WDR25: variants seen among roughly 807,000 people sequenced by gnomAD.
WDR25 encodes WD repeat domain 25, also known as WD repeat-containing protein 25.
Under a neutral mutation model 47.7 loss-of-function variants are expected in WDR25, and 35 were observed. That is an observed-to-expected ratio of 0.73 (90% CI 0.56 to 0.97). WDR25 has a LOEUF of 0.97. WDR25 is among the 50% of genes least tolerant of loss of function. The probability of loss-of-function intolerance (pLI) is 0.00; values close to 1 mark genes in which losing one functional copy is unlikely to be tolerated. For synonymous variants in WDR25, 248 were observed against 278.9 expected (o/e 0.89, Z 1.10); for missense variants, 634 against 704.7 (o/e 0.90, Z 1.14).
intron 4 of WDR25, among the ~76,000 whole-genome samples, chr14:100,495,803 C>T (rs1424374586): frequency 6.6e-6 from 1 of 152,196 alleles, no homozygotes; most frequent in African/African-American, 2.4e-5. Flanking sequence ...AGGAAGTCTT[C>T]TGCTTCTTTT....
rs1416984953 is a variant in WDR25, at chr14:100,498,446, C to CT, written c.1101+14330dup. Among the ~76,000 whole-genome samples the CT allele has an allele frequency of 2.0e-5, 3 of 152,012 alleles. No homozygotes were observed. Among genetic ancestry groups the CT allele is most frequent in the East Asian group, 1.9e-4 (1 of 5,190 alleles). ...TTACAGTCTTTGTCTTGAATTTTTT[C>CT]TTTTTTTTCAAAAAGGTCGGTTTTC... On this transcript the variant is annotated intron_variant, in intron 4 of 6. Coordinates refer to ENST00000402312, the MANE Select transcript of WDR25 (RefSeq NM_001161476.3). The surrounding 1 kb of genome is among the most constrained non-coding windows in gnomAD (Gnocchi z 4.2).
At chr14:100,398,859 C>G (rs1003536469) in intron 2 of WDR25, among the ~76,000 whole-genome samples, 2 of 151,012 alleles carry the variant, frequency 1.3e-5, no homozygotes, top group Non-Finnish European at 2.9e-5. Flanking sequence ...CCTGCACATC[C>G]TGGCTGATGT....
At position 100,529,885 on chromosome 14, in the gene WDR25, C is replaced by G. The variant is rs373806509; in HGVS notation, c.1479C>G (p.Ala493=). 3 of 1,613,154 alleles carry G rather than the reference C, an allele frequency of 1.9e-6. No homozygotes were observed. The African/African-American group carries it at 4.0e-5, about 22-fold the overall frequency. Residue 493 remains alanine, a synonymous_variant, in exon 7 of 7, where the codon GCC becomes GCG. Coordinates refer to ENST00000402312, the MANE Select transcript of WDR25 (RefSeq NM_001161476.3). This position sits in a 1 kb window ranked among gnomAD's most constrained non-coding sequence, Gnocchi z 5.1. ...GTGACTTGCTGGTGACGGGCAGCGC[C>G]GATGGCCGGGTCCTGATGTACAGCT... is the stretch of plus-strand genomic sequence containing the variant. The part of the protein sequence containing the change: ...PGGDLLVTGS[A]DGRVLMYSFR...
At chr14:100,444,255 C>T (rs1031527635) in intron 2 of WDR25, among the ~76,000 whole-genome samples, 1 of 152,216 alleles carries the variant, frequency 6.6e-6, no homozygotes, top group South Asian at 2.1e-4. Flanking sequence ...GCTGAAGCCT[C>T]ACTGGTGCTG....
At chr14:100,456,249 C>T (rs148573290) in intron 2 of WDR25, among the ~76,000 whole-genome samples, 72 of 152,234 alleles carry the variant, frequency 4.7e-4, no homozygotes, top group Middle Eastern at 3.4e-3. Flanking sequence ...CAGGCTGAGA[C>T]GGGAGGATTG....
chr14:100,409,892 G>C (rs1489851556), intron 2 of WDR25, among the ~76,000 whole-genome samples: 2 of 152,188 alleles, frequency 1.3e-5, no homozygotes, highest in African/African-American at 4.8e-5. Flanking sequence ...TTCCTGCAGA[G>C]CTGCTCCAGA....
In WDR25 at chr14:100,506,222, G is replaced by A. The variant is rs566515675; in HGVS notation, c.1102-19648G>A. Among the ~76,000 whole-genome samples the A allele has an allele frequency of 3.7e-4, 56 of 152,060 alleles. No individual in the cohort carries two copies. Among genetic ancestry groups the A allele is most frequent in the Non-Finnish European group, 6.0e-4 (41 of 68,000 alleles). On this transcript the variant is annotated intron_variant, in intron 4 of 6. Transcript: ENST00000402312. The surrounding 1 kb of genome is among the most constrained non-coding windows in gnomAD (Gnocchi z 4.8). ...AGGAAAATGGTCTCCAACTTCATCCGTGTTGCTGCAAAGGACATGATTTCA... is the reference window on the plus strand; with the variant it reads ...AGGAAAATGGTCTCCAACTTCATCCATGTTGCTGCAAAGGACATGATTTCA...
Position 100,381,585 on chromosome 14 carries a change from A to C in WDR25, c.661A>C (p.Ile221Leu). The C allele has an allele frequency of 6.2e-7, 1 of 1,609,568 alleles. No individual in the cohort carries two copies. The highest frequency in any genetic ancestry group is 8.5e-7 in the Non-Finnish European group (1 of 1,176,928). Residue 221 changes from isoleucine to leucine, a missense_variant, in exon 2 of 7, where the codon ATT becomes CTT. Coordinates refer to ENST00000402312, the MANE Select transcript of WDR25 (RefSeq NM_001161476.3). ...LYVGPGVSEF[I>L]QPYLNSHYKE... Reference sequence around the variant, plus strand: ...CGTGGGCCCGGGAGTGTCTGAGTTTATTCAGCCATATTTGAATAGCCATTA... The same window carrying C: ...CGTGGGCCCGGGAGTGTCTGAGTTTCTTCAGCCATATTTGAATAGCCATTA...
chr14:100,406,154 G>A (rs1458569136), intron 2 of WDR25, among the ~76,000 whole-genome samples: 1 of 152,206 alleles, frequency 6.6e-6, no homozygotes, highest in Non-Finnish European at 1.5e-5. Context: ...GGATGGAGAA[G>A]GGAGGGTTAA....
intron 4 of WDR25, among the ~76,000 whole-genome samples, chr14:100,486,059 A>C (rs1473968052): frequency 2.6e-5 from 4 of 151,440 alleles, no homozygotes; most frequent in South Asian, 2.1e-4. Flanking sequence ...AAAAAAAAAA[A>C]CCGCCAAAAC....
At position 100,468,044 on chromosome 14, in the gene WDR25, G is replaced by A. The variant is rs745538384; in HGVS notation, c.846G>A (p.Gly282=). The change falls in exon 3 of 7, where the codon GGG becomes GGA. Residue 282 remains glycine, a synonymous_variant. Transcript: ENST00000402312. This position sits in a 1 kb window ranked among gnomAD's most constrained non-coding sequence, Gnocchi z 4.5. ...AGGTATGGAACGCCGTGGACTCCGG[G>A]CACTGCCTGCAGACCTACTCCCTGC... The part of the protein sequence containing the change: ...TFKVWNAVDS[G]HCLQTYSLHT... The A allele has an allele frequency of 1.2e-5, 19 of 1,613,132 alleles. No homozygotes were observed. The highest frequency in any genetic ancestry group is 1.6e-5 in the Non-Finnish European group (19 of 1,180,012).
At chr14:100,387,834 C>T (rs1476734882) in intron 2 of WDR25, among the ~76,000 whole-genome samples, 2 of 152,214 alleles carry the variant, frequency 1.3e-5, no homozygotes, top group Non-Finnish European at 2.9e-5. Context: ...AAGCTCTATC[C>T]CAGCTTCCAA....
Position 100,425,742 on chromosome 14 carries a change from A to G in WDR25, c.823-42279A>G, listed in dbSNP as rs1302011370. On this transcript the variant is annotated intron_variant, in intron 2 of 6. Coordinates refer to ENST00000402312, the MANE Select transcript of WDR25 (RefSeq NM_001161476.3). The surrounding 1 kb of genome is among the most constrained non-coding windows in gnomAD (Gnocchi z 4.8). ...TTTCAAGGGTCTTTGTTAATCTAAT[A>G]GTTTTCCCTGGCTGAAATTTGTGGA... Among the ~76,000 whole-genome samples, 3 of 152,210 alleles carry G rather than the reference A, an allele frequency of 2.0e-5. No homozygotes were observed. The highest frequency in any genetic ancestry group is 6.5e-5 in the Admixed American group (1 of 15,290).
At chr14:100,420,537 A>G (rs1374585576) in intron 2 of WDR25, among the ~76,000 whole-genome samples, 1 of 152,198 alleles carries the variant, frequency 6.6e-6, no homozygotes, top group Admixed American at 6.5e-5. Context: ...CTTTATGTAC[A>G]TAATATTTAG....
At chr14:100,510,714 T>C (rs934272368) in intron 4 of WDR25, among the ~76,000 whole-genome samples, 3 of 148,268 alleles carry the variant, frequency 2.0e-5, no homozygotes, top group African/African-American at 7.9e-5. Context: ...CCAGCCTGGG[T>C]GACAGAGCGA....
intron 3 of WDR25, among the ~76,000 whole-genome samples, chr14:100,477,610 G>A (rs1000850652): frequency 2.0e-5 from 3 of 152,140 alleles, no homozygotes; most frequent in African/African-American, 7.2e-5. Context: ...GAGCCCGTCT[G>A]ACAAGTTAAG....
At chr14:100,511,354 G>A (rs1901304327) in intron 4 of WDR25, among the ~76,000 whole-genome samples, 1 of 152,122 alleles carries the variant, frequency 6.6e-6, no homozygotes, top group South Asian at 2.1e-4. Flanking sequence ...AAAAATTGTG[G>A]CTATGTGAAT....
chr14:100,521,798 A>C (rs2029882857), intron 4 of WDR25, among the ~76,000 whole-genome samples: 1 of 152,174 alleles, frequency 6.6e-6, no homozygotes, highest in Non-Finnish European at 1.5e-5. Context: ...TGGGTCATGC[A>C]TATTGCCGAG....
Position 100,529,964 on chromosome 14 carries a change from G to T in WDR25, c.1558G>T (p.Gly520Cys). ...TLQGHTQACVGTTYHPVLPSV... is the reference protein window; with the variant it reads ...TLQGHTQACVCTTYHPVLPSV... ...GCAGGGGCACACACAGGCCTGTGTC[G>T]GCACCACCTATCACCCCGTGCTGCC... The change falls in exon 7 of 7, where the codon GGC (glycine) becomes TGC (cysteine). Residue 520 changes from glycine (G) to cysteine (C), a missense_variant. Gly to Cys is a radical substitution (Grantham distance 159, BLOSUM62 -3). Coordinates refer to ENST00000402312, the MANE Select transcript of WDR25 (RefSeq NM_001161476.3). The surrounding 1 kb of genome is among the most constrained non-coding windows in gnomAD (Gnocchi z 5.1). 1 of 1,613,444 alleles carries T rather than the reference G, an allele frequency of 6.2e-7. No individual in the cohort carries two copies.
Sources: allele counts gnomAD v4.1 joint callset (sites outside exome capture counted in the v4.1 genomes callset), GRCh38; gene constraint gnomAD v4.1.1; non-coding constraint Gnocchi (gnomAD v3.1); transcripts MANE v1.5; gene names NCBI Gene and HGNC (gene_info 2026-07-23, HGNC 2026-07-21).